RBFOX1: variants seen among roughly 807,000 people sequenced by gnomAD.
The protein encoded by RBFOX1 is RNA binding fox-1 homolog 1, also known as RNA binding protein fox-1 homolog 1.
In RBFOX1, 8 loss-of-function variants were observed where a neutral mutation model predicts 57.7. The observed-to-expected ratio is 0.14, with a 90% CI of 0.08 to 0.25. The LOEUF is 0.25. Among genes scored for constraint, RBFOX1 ranks in the 10% least tolerant of loss-of-function variants. The pLI, the probability that RBFOX1 is intolerant of heterozygous loss-of-function variation, is 1.00. For missense variants in RBFOX1, 611 were observed against 548.5 expected (o/e 1.11, Z -1.14); for synonymous variants, 326 against 222.4 (o/e 1.47, Z -4.15).
rs564833819 is a variant in RBFOX1 at position 5,562,289 on chromosome 16, G to C, written c.259-36613G>C. Reference sequence around the variant, plus strand: ...TGTCAAGTAGGACCCAGAGCCTCCAGCAGTCCTACTTAGAAGTCAGACAGC... The same window carrying C: ...TGTCAAGTAGGACCCAGAGCCTCCACCAGTCCTACTTAGAAGTCAGACAGC... On this transcript the variant is annotated intron_variant, in intron 2 of 2. Transcript: ENST00000585867. 2.0e-5 allele frequency among the ~76,000 whole-genome samples: 3 copies of C among 152,212 alleles called. No individual in the cohort carries two copies. The East Asian group carries it at 5.8e-4, about 29-fold the overall frequency.
At chr16:6,536,210 A>G (rs746080542) in intron 2 of RBFOX1, among the ~76,000 whole-genome samples, 1 of 152,252 alleles carries the variant, frequency 6.6e-6, no homozygotes, top group Non-Finnish European at 1.5e-5. Context: ...AAAATCTTGA[A>G]TTATAAACTT....
At chr16:6,547,954 T>G (rs1301238874) in intron 2 of RBFOX1, among the ~76,000 whole-genome samples, 4 of 152,208 alleles carry the variant, frequency 2.6e-5, no homozygotes, top group Admixed American at 2.6e-4. Context: ...CTGGGAAACG[T>G]AGAGAAGACC....
At chr16:5,271,246 C>T (rs1234872632) in intron 1 of RBFOX1, among the ~76,000 whole-genome samples, 2 of 152,180 alleles carry the variant, frequency 1.3e-5, no homozygotes, top group Admixed American at 1.3e-4. Context: ...CTCAGCTACT[C>T]TGAAGGCTGA....
chr16:7,558,782 C>A (rs1601786335), intron 5 of RBFOX1, among the ~76,000 whole-genome samples: 2 of 152,198 alleles, frequency 1.3e-5, no homozygotes, highest in East Asian at 3.9e-4. Flanking sequence ...CTGGTGCACA[C>A]TCAAAGTATT....
At chr16:7,497,590 C>G (rs2151733549) in intron 4 of RBFOX1, among the ~76,000 whole-genome samples, 1 of 152,284 alleles carries the variant, frequency 6.6e-6, no homozygotes, top group South Asian at 2.1e-4. Flanking sequence ...AATGCAAAAA[C>G]AAATGCTTAT....
chr16:7,304,493 G>C, intron 4 of RBFOX1: 3 of 985,268 alleles, frequency 3.0e-6, no homozygotes, highest in Non-Finnish European at 3.6e-6. Context: ...CAGGTAAGGC[G>C]CGCGTCTGCC....
intron 4 of RBFOX1, among the ~76,000 whole-genome samples, chr16:5,948,817 C>G (rs1597914684): frequency 6.6e-6 from 1 of 152,196 alleles, no homozygotes; most frequent in Non-Finnish European, 1.5e-5. Context: ...GTGTTACTTT[C>G]TTACGGCATC....
chr16:6,434,568 T>A (rs2094184037), intron 2 of RBFOX1, among the ~76,000 whole-genome samples: 1 of 152,190 alleles, frequency 6.6e-6, no homozygotes, highest in South Asian at 2.1e-4. Flanking sequence ...AGGAAGCAAC[T>A]TCTAAAATAG....
chr16:7,413,164 G>C (rs371377756), intron 4 of RBFOX1, among the ~76,000 whole-genome samples: 1 of 152,302 alleles, frequency 6.6e-6, no homozygotes, highest in African/African-American at 2.4e-5. Flanking sequence ...CCTCCCTGAT[G>C]ACAATTCCTT....
chr16:7,576,355 C>G (rs1359530325), intron 5 of RBFOX1, among the ~76,000 whole-genome samples: 2 of 152,130 alleles, frequency 1.3e-5, no homozygotes, highest in Admixed American at 1.3e-4. Flanking sequence ...GTGCTGCATC[C>G]CACCATATAA....
chr16:5,897,813 A>G (rs768701326), intron 4 of RBFOX1, among the ~76,000 whole-genome samples: 3 of 147,428 alleles, frequency 2.0e-5, no homozygotes, highest in Admixed American at 6.8e-5. Flanking sequence ...CATACCTTCT[A>G]TTGCAATTCA....
At chr16:5,539,264 G>C (rs556839548) in intron 2 of RBFOX1, among the ~76,000 whole-genome samples, 43 of 152,232 alleles carry the variant, frequency 2.8e-4, no homozygotes, top group African/African-American at 9.9e-4. Context: ...GAATCACCTT[G>C]TGTCCCTACT....
intron 1 of RBFOX1, among the ~76,000 whole-genome samples, chr16:6,193,651 C>T (rs1362974234): frequency 6.6e-6 from 1 of 151,720 alleles, no homozygotes; most frequent in African/African-American, 2.4e-5. Context: ...AGTGAGTGTG[C>T]AGTAAATGCT....
chr16:6,507,569 G>A (rs1297924129), intron 2 of RBFOX1, among the ~76,000 whole-genome samples: 1 of 148,048 alleles, frequency 6.8e-6, no homozygotes, highest in Non-Finnish European at 1.5e-5. Flanking sequence ...CTACCCCCAG[G>A]CTGAGGTGGG....
At chr16:7,339,593 C>T (rs934459015) in intron 4 of RBFOX1, among the ~76,000 whole-genome samples, 3 of 152,096 alleles carry the variant, frequency 2.0e-5, no homozygotes, top group African/African-American at 7.2e-5. Context: ...GCATGCACCA[C>T]CACAACCAGC....
At chr16:7,592,410 A>G (rs2094489380) in intron 7 of RBFOX1, among the ~76,000 whole-genome samples, 1 of 152,186 alleles carries the variant, frequency 6.6e-6, no homozygotes, top group South Asian at 2.1e-4. Flanking sequence ...GGGTTCAGAC[A>G]TGAAGCATGA....
chr16:6,589,365 C>G (rs567224660), intron 2 of RBFOX1, among the ~76,000 whole-genome samples: 3 of 152,288 alleles, frequency 2.0e-5, no homozygotes, highest in African/African-American at 7.2e-5. Flanking sequence ...ATTAGTCTCC[C>G]TGAAAACCCA....
At chr16:5,657,651 TC>T (rs2049478562) in intron 3 of RBFOX1, among the ~76,000 whole-genome samples, 1 of 134,454 alleles carries the variant, frequency 7.4e-6, no homozygotes, top group Non-Finnish European at 1.6e-5. Flanking sequence ...TTTCTTTCTT[TC>T]TTTTCTTTTC....
chr16:6,454,879 T>TGG (rs1307864681), intron 2 of RBFOX1, among the ~76,000 whole-genome samples: 290 of 6,136 alleles, frequency 0.047, 36 homozygotes, highest in Middle Eastern at 0.15. Flanking sequence ...TTTTTTTTTT[T>TGG]TTTTTTTTTT....
Sources: allele counts gnomAD v4.1 joint callset (sites outside exome capture counted in the v4.1 genomes callset), GRCh38; gene constraint gnomAD v4.1.1; transcripts MANE v1.5; gene names NCBI Gene and HGNC (gene_info 2026-07-23, HGNC 2026-07-21).